Variants in CNOT2 observed in about 807,000 individuals in gnomAD.
CNOT2 encodes the protein CCR4-NOT transcription complex subunit 2, also known as CC chemokine receptor 4-negative regulator of transcription 2.
A neutral mutation model predicts 72.1 loss-of-function variants in CNOT2; 7 were observed. The ratio of observed to expected loss-of-function variants is 0.10; its 90% CI spans 0.06 to 0.18. The LOEUF is 0.18. Ranked by LOEUF, CNOT2 falls within the 10% of genes least tolerant of loss-of-function variation. The pLI is 1.00. For synonymous variants in CNOT2, 196 were observed against 225.6 expected (o/e 0.87, Z 1.17); for missense variants, 345 against 660.3 (o/e 0.52, Z 5.23).
At chr12:70,332,954 T>C in intron 7 of CNOT2, 108 bp downstream of exon 7, 1 of 1,345,122 alleles carries the variant, frequency 7.4e-7, no homozygotes, top group Non-Finnish European at 9.6e-7. Context: ...TTTATTATGT[T>C]AGATGGTAGA....
chr12:70,287,638 C>T (rs996938888), intron 2 of CNOT2, among the ~76,000 whole-genome samples: 5 of 149,906 alleles, frequency 3.3e-5, no homozygotes, highest in Non-Finnish European at 7.4e-5. Flanking sequence ...TTATGTACAT[C>T]TTATGTATCC....
chr12:70,267,938 C>T (rs1270727712), intron 1 of CNOT2, among the ~76,000 whole-genome samples: 2 of 152,244 alleles, frequency 1.3e-5, no homozygotes, highest in African/African-American at 4.8e-5. Context: ...ACAATGGAGA[C>T]TGTTAGGCTT....
intron 2 of CNOT2, among the ~76,000 whole-genome samples, chr12:70,303,171 A>G (rs895764230): frequency 5.1e-4 from 77 of 152,078 alleles, no homozygotes; most frequent in Non-Finnish European, 2.6e-4. Context: ...TCTTTATCCA[A>G]TTTGCCAGTC....
chr12:70,325,370 A>G (rs1878930759), intron 4 of CNOT2, among the ~76,000 whole-genome samples: 1 of 151,840 alleles, frequency 6.6e-6, no homozygotes, highest in African/African-American at 2.4e-5. Flanking sequence ...CAAAATCACA[A>G]TTGCTGGAGA....
At chr12:70,320,049 A>G (rs1320407023) in intron 4 of CNOT2, among the ~76,000 whole-genome samples, 1 of 151,658 alleles carries the variant, frequency 6.6e-6, no homozygotes, top group African/African-American at 2.4e-5. Flanking sequence ...TATTTTCTCA[A>G]ATTAACTTCC....
At chr12:70,300,184 A>C (rs1447483543) in intron 2 of CNOT2, among the ~76,000 whole-genome samples, 1 of 152,106 alleles carries the variant, frequency 6.6e-6, no homozygotes, top group Non-Finnish European at 1.5e-5. Context: ...GTTCACTCTG[A>C]TGGTCGTTTC....
At chr12:70,288,781 C>T (rs1016013143) in intron 2 of CNOT2, among the ~76,000 whole-genome samples, 7 of 152,136 alleles carry the variant, frequency 4.6e-5, no homozygotes, top group African/African-American at 1.2e-4. Context: ...CAAACAACAT[C>T]TATTTTAATT....
intron 11 of CNOT2, among the ~76,000 whole-genome samples, chr12:70,339,270 C>T (rs1397037064): frequency 3.3e-5 from 5 of 151,678 alleles, no homozygotes; most frequent in East Asian, 1.9e-4. Context: ...GCATGCTTTC[C>T]GACTTCCACT....
rs1393498450 is a variant in CNOT2, at chr12:70,330,801, T to C, written c.569+332T>C. ...GTGGTAAGAGTTCTAGGTTTATGAA[T>C]AGAACTGGAGACATGTTTGACTATT... On this transcript the variant is annotated intron_variant, in intron 6 of 15. Coordinates refer to ENST00000229195, the MANE Select transcript of CNOT2 (RefSeq NM_014515.7). The C allele has an allele frequency of 1.5e-5, 3 of 204,346 alleles. No homozygotes were observed. In the East Asian group the frequency reaches 3.8e-4, roughly 26 times the overall value. 12.7% of individuals were successfully genotyped at this position (204,346 alleles called of 1,614,324 possible).
chr12:70,273,331 A>G (rs982498314), intron 1 of CNOT2, among the ~76,000 whole-genome samples: 1 of 152,026 alleles, frequency 6.6e-6, no homozygotes, highest in African/African-American at 2.4e-5. Context: ...TTTAGTCAAC[A>G]GCATTTTGAA....
chr12:70,293,446 ACTGT>A (rs1307400416), intron 2 of CNOT2, among the ~76,000 whole-genome samples: 1 of 152,208 alleles, frequency 6.6e-6, no homozygotes, highest in East Asian at 1.9e-4. Flanking sequence ...GGCATGAGCC[ACTGT>A]GTCTGGCCTG....
chr12:70,285,667 C>G (rs1236129858), intron 2 of CNOT2: 1 of 151,408 alleles, frequency 6.6e-6, no homozygotes, highest in African/African-American at 2.4e-5. Context: ...AACTAAAACT[C>G]GTGAAACATA....
intron 2 of CNOT2, among the ~76,000 whole-genome samples, chr12:70,286,489 T>G (rs1438697255): frequency 2.0e-5 from 3 of 150,060 alleles, no homozygotes; most frequent in African/African-American, 7.3e-5. Context: ...ATATTAGCAT[T>G]GTGTACCAAT....
intron 1 of CNOT2, among the ~76,000 whole-genome samples, chr12:70,268,429 G>A (rs1023822213): frequency 6.6e-6 from 1 of 152,000 alleles, no homozygotes; most frequent in African/African-American, 2.4e-5. Context: ...CTTATCAAAG[G>A]ATCAGAAGAA....
chr12:70,255,750 G>A (rs900269821), intron 1 of CNOT2, among the ~76,000 whole-genome samples: 1 of 152,118 alleles, frequency 6.6e-6, no homozygotes, highest in Non-Finnish European at 1.5e-5. Flanking sequence ...TTGGAGTACA[G>A]CTACCCTAAA....
chr12:70,271,618 C>G (rs912455455), intron 1 of CNOT2, among the ~76,000 whole-genome samples: 4 of 151,978 alleles, frequency 2.6e-5, no homozygotes, highest in African/African-American at 9.7e-5. Flanking sequence ...GGTGATCAGC[C>G]CGCCTCAGCC....
At chr12:70,287,427 T>G (rs547142112) in intron 2 of CNOT2, among the ~76,000 whole-genome samples, 1 of 149,924 alleles carries the variant, frequency 6.7e-6, no homozygotes, top group Non-Finnish European at 1.5e-5. Context: ...TTCTTTAATC[T>G]TACGTTTTTA....
At chr12:70,312,369 G>A (rs1428802287) in intron 3 of CNOT2, among the ~76,000 whole-genome samples, 6 of 151,850 alleles carry the variant, frequency 4.0e-5, no homozygotes, top group Non-Finnish European at 8.8e-5. Context: ...CTTGGAAAAT[G>A]TTAATGAAAT....
intron 4 of CNOT2, among the ~76,000 whole-genome samples, chr12:70,320,317 A>G (rs1430352566): frequency 6.6e-6 from 1 of 151,764 alleles, no homozygotes; most frequent in Non-Finnish European, 1.5e-5. Flanking sequence ...AGGTATCAGA[A>G]TAGTTTGTCA....
Sources: gnomAD v4.1 joint callset for allele counts (sites outside exome capture counted in the v4.1 genomes callset) on GRCh38, gnomAD v4.1.1 for gene constraint, MANE v1.5 for transcripts, NCBI Gene and HGNC (gene_info 2026-07-23, HGNC 2026-07-21) for gene names.